Variants in CWC27 observed in about 807,000 individuals in gnomAD.
CWC27 encodes the protein CWC27 spliceosome associated cyclophilin, also known as spliceosome-associated protein CWC27 homolog.
In CWC27, 47 loss-of-function variants were observed where a neutral mutation model predicts 63.6. The observed-to-expected ratio is 0.74, with a 90% CI of 0.58 to 0.94. The LOEUF is 0.94. CWC27 is among the 40% of genes least tolerant of loss of function. The pLI is 0.00. For synonymous variants in CWC27, 175 were observed against 179.8 expected, an observed-to-expected ratio of 0.97 and a Z score of 0.22; for missense variants, 495 against 554.3, an observed-to-expected ratio of 0.89 and a Z score of 1.07.
At chr5:64,891,524 T>G (rs1356629817) in intron 11 of CWC27, among the ~76,000 whole-genome samples, 1 of 152,210 alleles carries the variant, frequency 6.6e-6, no homozygotes, top group Non-Finnish European at 1.5e-5. Context: ...AATTTAATCT[T>G]TTGGTAAAGT....
At chr5:64,850,613 T>C (rs1309886809) in intron 10 of CWC27, among the ~76,000 whole-genome samples, 1 of 152,082 alleles carries the variant, frequency 6.6e-6, no homozygotes. Flanking sequence ...CAATTAACAG[T>C]GTGCAGAGTC....
At chr5:64,952,080 T>G (rs368924117) in intron 11 of CWC27, among the ~76,000 whole-genome samples, 13 of 151,970 alleles carry the variant, frequency 8.6e-5, no homozygotes, top group African/African-American at 3.1e-4. Context: ...GTCCTTGATA[T>G]AAAATGGCAG....
chr5:64,884,502 A>G (rs1324848847), intron 10 of CWC27, among the ~76,000 whole-genome samples: 3 of 152,236 alleles, frequency 2.0e-5, no homozygotes, highest in Non-Finnish European at 4.4e-5. Flanking sequence ...GTTCAATCAC[A>G]TATGTAATTA....
chr5:64,912,127 T>TTCAA (rs1451754019), intron 11 of CWC27, among the ~76,000 whole-genome samples: 6 of 150,024 alleles, frequency 4.0e-5, no homozygotes, highest in Non-Finnish European at 8.9e-5. Flanking sequence ...CCTGTATAGG[T>TTCAA]ATATAGCTTC....
intron 10 of CWC27, among the ~76,000 whole-genome samples, chr5:64,879,700 T>TTAA (rs1746889817): frequency 6.6e-6 from 1 of 151,688 alleles, no homozygotes. Flanking sequence ...GAGAGAGCCA[T>TTAA]TTAAGGAGTG....
At chr5:64,825,860 A>T (rs1214145876) in intron 10 of CWC27, among the ~76,000 whole-genome samples, 1 of 152,332 alleles carries the variant, frequency 6.6e-6, no homozygotes, top group East Asian at 1.9e-4. Context: ...GGTAAAGCAG[A>T]TTATCACAGA....
At chr5:64,979,682 C>T (rs531694569) in intron 13 of CWC27, among the ~76,000 whole-genome samples, 8 of 152,146 alleles carry the variant, frequency 5.3e-5, no homozygotes, top group African/African-American at 1.9e-4. Context: ...TCACGGTTGC[C>T]GCTTTTCTAA....
intron 1 of CWC27, among the ~76,000 whole-genome samples, chr5:64,771,455 C>T (rs974454502): frequency 1.3e-5 from 2 of 152,088 alleles, no homozygotes; most frequent in African/African-American, 4.8e-5. Context: ...TTGCTGTAAC[C>T]CTAGCCCCTG....
intron 3 of CWC27, among the ~76,000 whole-genome samples, chr5:64,782,331 C>T (rs1382427919): frequency 6.6e-6 from 1 of 152,046 alleles, no homozygotes; most frequent in Non-Finnish European, 1.5e-5. Context: ...GCCTGTATTC[C>T]CAGCTACTCA....
intron 7 of CWC27, among the ~76,000 whole-genome samples, chr5:64,789,343 C>T (rs1014260080): frequency 6.6e-6 from 1 of 151,890 alleles, no homozygotes; most frequent in Non-Finnish European, 1.5e-5. Flanking sequence ...ATTATCATTA[C>T]TGATATAAAC....
intron 1 of CWC27, among the ~76,000 whole-genome samples, chr5:64,769,702 A>C (rs1743171962): frequency 6.6e-6 from 1 of 152,152 alleles, no homozygotes; most frequent in African/African-American, 2.4e-5. Flanking sequence ...GTGCTTGTGG[A>C]GAAGAGACCA....
chr5:64,891,227 A>G (rs1027321957), intron 11 of CWC27, among the ~76,000 whole-genome samples: 33 of 152,212 alleles, frequency 2.2e-4, no homozygotes, highest in Non-Finnish European at 2.4e-4. Flanking sequence ...AGTTAAAAAA[A>G]TTAATCATTT....
intron 2 of CWC27, among the ~76,000 whole-genome samples, chr5:64,780,491 T>C (rs1429097124): frequency 6.7e-6 from 1 of 148,888 alleles, no homozygotes; most frequent in Non-Finnish European, 1.5e-5. Context: ...AAATATATGA[T>C]GTTTTGTAAA....
At chr5:64,801,279 T>C in intron 8 of CWC27, 23 bp from the exon 9 acceptor site, 1 of 1,414,738 alleles carries the variant, frequency 7.1e-7, no homozygotes, top group Admixed American at 2.4e-5. Flanking sequence ...AACTAAAATT[T>C]GTTTTGCTTA....
At chr5:64,827,933 C>T (rs1016123549) in intron 10 of CWC27, among the ~76,000 whole-genome samples, 3 of 152,104 alleles carry the variant, frequency 2.0e-5, no homozygotes, top group Non-Finnish European at 4.4e-5. Context: ...TTCCTTTGTG[C>T]AATGTATCCA....
chr5:64,986,587 A>G (rs1184749167), intron 13 of CWC27, among the ~76,000 whole-genome samples: 1 of 152,194 alleles, frequency 6.6e-6, no homozygotes, highest in Non-Finnish European at 1.5e-5. Flanking sequence ...TCTGTCTTCT[A>G]GAAGAGATTG....
intron 10 of CWC27, among the ~76,000 whole-genome samples, chr5:64,811,163 T>C (rs1744867222): frequency 6.6e-6 from 1 of 152,100 alleles, no homozygotes; most frequent in East Asian, 1.9e-4. Context: ...CTGGGGTAGT[T>C]TGCAGCTTGT....
At chr5:64,807,632 G>T (rs747254935) in intron 10 of CWC27, 1 of 1,535,628 alleles carries the variant, frequency 6.5e-7, no homozygotes, top group South Asian at 1.2e-5. Context: ...TTGACTACTG[G>T]ATACAGCTCA....
At chr5:64,842,123 A>G (rs1745860698) in intron 10 of CWC27, among the ~76,000 whole-genome samples, 1 of 152,228 alleles carries the variant, frequency 6.6e-6, no homozygotes, top group African/African-American at 2.4e-5. Context: ...CTTTTATGCT[A>G]CGATGACAGA....
Sources: gnomAD v4.1 joint callset for allele counts (sites outside exome capture counted in the v4.1 genomes callset) on GRCh38, gnomAD v4.1.1 for gene constraint, MANE v1.5 for transcripts, NCBI Gene and HGNC (gene_info 2026-07-23, HGNC 2026-07-21) for gene names.